PTPRO: variants seen among roughly 807,000 people sequenced by gnomAD.
PTPRO encodes protein tyrosine phosphatase receptor type O.
A neutral mutation model predicts 145.2 loss-of-function variants in PTPRO; 62 were observed. The observed-to-expected ratio is 0.43, with a 90% CI of 0.35 to 0.53. The LOEUF (loss-of-function observed/expected upper bound fraction) is 0.53, where lower values mean the gene tolerates loss of function less well. Ranked by LOEUF, PTPRO falls within the 20% of genes least tolerant of loss-of-function variation. The pLI, the probability that PTPRO is intolerant of heterozygous loss-of-function variation, is 0.01. For synonymous variants in PTPRO, 565 were observed against 514.7 expected (o/e 1.10, Z -1.32); for missense variants, 1,345 against 1,482.7 (o/e 0.91, Z 1.53).
In PTPRO at chr12:15,322,681, G is replaced by A. The variant is rs770122069; in HGVS notation, c.-46G>A. ...TCGCCATTGTGAGCCGCCGCCGGGGGAGTCCGCTAGCGCAGCCGTGCCCCC... is the reference window on the plus strand; with the variant it reads ...TCGCCATTGTGAGCCGCCGCCGGGGAAGTCCGCTAGCGCAGCCGTGCCCCC... On this transcript the variant is annotated 5_prime_UTR_variant, in exon 1 of 27. Transcript: ENST00000281171. The surrounding 1 kb of genome is among the most constrained non-coding windows in gnomAD (Gnocchi z 6.3). The A allele has an allele frequency of 3.2e-6, 5 of 1,541,290 alleles. No individual in the cohort carries two copies. Among genetic ancestry groups the A allele is most frequent in the South Asian group, 1.2e-5 (1 of 86,346 alleles).
chr12:15,561,675 C>T (rs1026985247), intron 17 of PTPRO, among the ~76,000 whole-genome samples: 1 of 152,126 alleles, frequency 6.6e-6, no homozygotes, highest in Non-Finnish European at 1.5e-5. Context: ...AATTCCATTT[C>T]AACCTTCAAA....
At chr12:15,386,746 TA>T (rs747394059) in intron 1 of PTPRO, among the ~76,000 whole-genome samples, 1 of 152,222 alleles carries the variant, frequency 6.6e-6, no homozygotes. Flanking sequence ...GTAATTTTTT[TA>T]TCAGAATTGT....
chr12:15,525,706 C>A (rs1232697525), intron 11 of PTPRO, among the ~76,000 whole-genome samples: 1 of 152,326 alleles, frequency 6.6e-6, no homozygotes, highest in East Asian at 1.9e-4. Context: ...AGCTGGGTCA[C>A]ATCATCCCCT....
intron 12 of PTPRO, among the ~76,000 whole-genome samples, chr12:15,537,923 T>A (rs185067714): frequency 6.6e-6 from 1 of 152,266 alleles, no homozygotes; most frequent in East Asian, 1.9e-4. Context: ...AGAGTGAAGA[T>A]CATGATAGCC....
At chr12:15,448,417 C>T (rs1000875891) in intron 1 of PTPRO, among the ~76,000 whole-genome samples, 14 of 140,718 alleles carry the variant, frequency 9.9e-5, no homozygotes, top group African/African-American at 3.5e-4. Context: ...TCTGTCTTCA[C>T]TTACAGAAAG....
chr12:15,343,231 A>C (rs1161449385), intron 1 of PTPRO, among the ~76,000 whole-genome samples: 1 of 152,064 alleles, frequency 6.6e-6, no homozygotes, highest in Non-Finnish European at 1.5e-5. Flanking sequence ...AATAGATACA[A>C]GGTAAAAAGT....
intron 23 of PTPRO, among the ~76,000 whole-genome samples, chr12:15,586,427 C>T (rs1369045957): frequency 2.0e-5 from 3 of 152,168 alleles, no homozygotes; most frequent in African/African-American, 4.8e-5. Context: ...AGCAGGAGAA[C>T]GCAACCTCTT....
chr12:15,575,325 C>T (rs1389010117), intron 19 of PTPRO, among the ~76,000 whole-genome samples: 2 of 152,212 alleles, frequency 1.3e-5, no homozygotes, highest in Non-Finnish European at 1.5e-5. Context: ...TTCCCCACTG[C>T]AAACATGGTG....
At chr12:15,515,643 T>A (rs762103278) in intron 8 of PTPRO, 25 bp downstream of exon 8, 1 of 1,613,650 alleles carries the variant, frequency 6.2e-7, no homozygotes, top group African/African-American at 1.3e-5. Flanking sequence ...ACAAGAAGAA[T>A]GACTGACCTA....
In PTPRO at chr12:15,452,535, T is replaced by C. The variant is rs145604125; in HGVS notation, c.76-31439T>C. On this transcript the variant is annotated intron_variant, in intron 1 of 26. Transcript: ENST00000281171. ...CTAATACCAAAACGGGGAAAGGACG[T>C]GACAGAAAACAAGAAAACTACAGAC... is the stretch of plus-strand genomic sequence containing the variant. Among the ~76,000 whole-genome samples the C allele has an allele frequency of 2.4e-4, 36 of 152,206 alleles. No individual in the cohort carries two copies. In the East Asian group the frequency reaches 6.2e-3, roughly 26 times the overall value.
At chr12:15,533,437 A>C (rs190930278) in intron 12 of PTPRO, among the ~76,000 whole-genome samples, 13 of 152,302 alleles carry the variant, frequency 8.5e-5, no homozygotes, top group African/African-American at 2.4e-5. Context: ...CTGTTCTACT[A>C]ATCATGTTAT....
At chr12:15,375,508 A>T (rs753892762) in intron 1 of PTPRO, among the ~76,000 whole-genome samples, 1 of 152,172 alleles carries the variant, frequency 6.6e-6, no homozygotes, top group African/African-American at 2.4e-5. Flanking sequence ...CTGTAATCCC[A>T]GCACTCTGGG....
chr12:15,458,055 T>C (rs950951204), intron 1 of PTPRO, among the ~76,000 whole-genome samples: 1 of 152,202 alleles, frequency 6.6e-6, no homozygotes, highest in Admixed American at 6.5e-5. Flanking sequence ...AGTGGTGAAT[T>C]TCCTCAGCTT....
Position 15,499,326 on chromosome 12 carries a change from A to C in PTPRO, c.509-116A>C, listed in dbSNP as rs561084019. ...CTAACTCTTTATTACTGCCCATAAC[A>C]GTAGTTGAAGGAAATATTATTTTGT... On this transcript the variant is annotated intron_variant, in intron 3 of 26. Coordinates refer to ENST00000281171, the MANE Select transcript of PTPRO (RefSeq NM_030667.3). 3.9e-6 allele frequency: 4 copies of C among 1,026,552 alleles called. No homozygotes were observed. The East Asian group carries it at 1.0e-4, about 26-fold the overall frequency. 63.6% of individuals were successfully genotyped at this position (1,026,552 alleles called of 1,614,324 possible).
At chr12:15,343,714 G>A (rs944631622) in intron 1 of PTPRO, among the ~76,000 whole-genome samples, 1 of 152,168 alleles carries the variant, frequency 6.6e-6, no homozygotes, top group African/African-American at 2.4e-5. Flanking sequence ...TATTTTTTGA[G>A]ACAGAGTCTG....
At chr12:15,358,813 G>T (rs933040740) in intron 1 of PTPRO, among the ~76,000 whole-genome samples, 1 of 152,138 alleles carries the variant, frequency 6.6e-6, no homozygotes, top group Non-Finnish European at 1.5e-5. Context: ...ACAAATCCCA[G>T]GCCAACATCG....
chr12:15,527,337 A>G (rs1942861940), intron 12 of PTPRO, among the ~76,000 whole-genome samples: 1 of 152,212 alleles, frequency 6.6e-6, no homozygotes, highest in Non-Finnish European at 1.5e-5. Flanking sequence ...GGAAAAAGTG[A>G]GGTTGAGGTA....
chr12:15,577,922 C>A (rs539294812), intron 19 of PTPRO, among the ~76,000 whole-genome samples: 1 of 152,142 alleles, frequency 6.6e-6, no homozygotes, highest in Admixed American at 6.5e-5. Context: ...CTTAGAAATC[C>A]CCCTTTCCCC....
At chr12:15,383,699 A>T (rs1938934650) in intron 1 of PTPRO, among the ~76,000 whole-genome samples, 1 of 152,334 alleles carries the variant, frequency 6.6e-6, no homozygotes, top group South Asian at 2.1e-4. Flanking sequence ...AAAGTGGGAC[A>T]TCTCAAAGCA....
Sources: gnomAD v4.1 joint callset for allele counts (sites outside exome capture counted in the v4.1 genomes callset) on GRCh38, gnomAD v4.1.1 for gene constraint, Gnocchi (gnomAD v3.1) non-coding constraint, MANE v1.5 for transcripts, NCBI Gene and HGNC (gene_info 2026-07-23, HGNC 2026-07-21) for gene names.